Variants in UNK observed in about 807,000 individuals in gnomAD.
The protein encoded by UNK is unk zinc finger.
UNK carries 32 observed loss-of-function variants against 97.6 expected under a neutral mutation model. That is an observed-to-expected ratio of 0.33 (90% CI 0.25 to 0.44). The LOEUF (loss-of-function observed/expected upper bound fraction) is 0.44, where lower values mean the gene tolerates loss of function less well. Among genes scored for constraint, UNK ranks in the 20% least tolerant of loss-of-function variants. UNK has a pLI of 1.00. For missense variants in UNK, 771 were observed against 1,098.4 expected, an observed-to-expected ratio of 0.70 and a Z score of 4.21; for synonymous variants, 441 against 461.2, an observed-to-expected ratio of 0.96 and a Z score of 0.56.
chr17:75,793,616 A>G, intron 1 of UNK: 1 of 985,452 alleles, frequency 1.0e-6, no homozygotes, highest in Non-Finnish European at 1.2e-6. Flanking sequence ...CTGTGACAGT[A>G]TCATCAAGTC....
Position 75,784,834 on chromosome 17 carries a change from G to A in UNK, c.-47G>A, listed in dbSNP as rs576724976. 6.3e-7 allele frequency: 1 copy of A among 1,589,122 alleles called. No individual in the cohort carries two copies. The highest frequency in any genetic ancestry group is 8.6e-7 in the Non-Finnish European group (1 of 1,159,210). ...CTGGGTCCTCGGCGCGGACCGCGCA[G>A]ACTGAATAATAAAAGGGGAGCGGCG... is the stretch of plus-strand genomic sequence containing the variant. On this transcript the variant is annotated 5_prime_UTR_variant, in exon 1 of 16. Transcript: ENST00000589666.
At position 75,816,673 on chromosome 17, in the gene UNK, A is replaced by G; in HGVS notation, c.962-97A>G. The G allele has an allele frequency of 2.1e-6, 3 of 1,418,282 alleles. No homozygotes were observed. Among genetic ancestry groups the G allele is most frequent in the Non-Finnish European group, 1.9e-6 (2 of 1,071,374 alleles). The allele number at this position is 1,418,282 out of a possible 1,614,324, so 87.9% of individuals were successfully genotyped here. A position where few individuals can be genotyped will look rare whatever the true frequency, so the allele number is the denominator to read the frequency against. On this transcript the variant is annotated intron_variant, in intron 7 of 15. Transcript: ENST00000589666. This position sits in a 1 kb window ranked among gnomAD's most constrained non-coding sequence, Gnocchi z 4.0. ...TCGTAGGAACCTTCCCTTTATGTGC[A>G]GGGGGATTTGTGGTCTCCTTTGGAA...
chr17:75,822,863 A>G (rs1215447562), intron 14 of UNK, among the ~76,000 whole-genome samples: 1 of 152,228 alleles, frequency 6.6e-6, no homozygotes, highest in East Asian at 1.9e-4. Context: ...GCAGGCTTCA[A>G]ATTCTCTCTG....
At chr17:75,813,684 T>A in intron 5 of UNK, 77 bp from the exon 6 acceptor site, 1 of 1,260,388 alleles carries the variant, frequency 7.9e-7, no homozygotes, top group African/African-American at 1.5e-5. Flanking sequence ...CCTATGAGGC[T>A]GGGTCCAGGT....
At position 75,810,710 on chromosome 17, in the gene UNK, C is replaced by T. The variant is rs141447975; in HGVS notation, c.314+741C>T. Among the ~76,000 whole-genome samples the T allele has an allele frequency of 4.3e-3, 650 of 152,270 alleles. 6 individuals carry two copies. The highest frequency in any genetic ancestry group is 0.014 in the South Asian group (67 of 4,824). ...GGAGTGCAGGGGTGCGATCTTGGCT[C>T]ACTGCAACCTCCACCTCCTGGGTGC... On this transcript the variant is annotated intron_variant, in intron 2 of 15. Transcript: ENST00000589666.
intron 1 of UNK, chr17:75,793,444 G>A (rs1473721267): frequency 1.0e-6 from 1 of 985,318 alleles, no homozygotes; most frequent in Non-Finnish European, 1.2e-6. Context: ...CTTTGCCAGT[G>A]TGTAGAATTT....
chr17:75,809,764 C>T lies in UNK; in HGVS notation c.109C>T (p.Leu37=). The change falls in exon 2 of 16, where the codon CTG becomes TTG. Residue 37 remains leucine, a synonymous_variant. Coordinates refer to ENST00000589666, the MANE Select transcript of UNK (RefSeq NM_001080419.3). ...CACGCGGGGCTCTCTCTGCAGGTACCTGAAAGAATTCCGCACAGAGCAGTG... is the reference window on the plus strand; with the variant it reads ...CACGCGGGGCTCTCTCTGCAGGTACTTGAAAGAATTCCGCACAGAGCAGTG... ...QPEKPQHYTY[L]KEFRTEQCPL... The T allele has an allele frequency of 6.2e-7, 1 of 1,606,428 alleles. No individual in the cohort carries two copies. Among genetic ancestry groups the T allele is most frequent in the East Asian group, 2.3e-5 (1 of 44,348 alleles).
intron 1 of UNK, among the ~76,000 whole-genome samples, chr17:75,802,091 G>T (rs1161460480): frequency 6.6e-6 from 1 of 151,706 alleles, no homozygotes; most frequent in Admixed American, 6.6e-5. Context: ...TAAGTGATTT[G>T]CCCGCCTTGG....
Position 75,824,123 on chromosome 17 carries a change from C to A in UNK, c.2278-139C>A. 1 of 1,078,142 alleles carries A rather than the reference C, an allele frequency of 9.3e-7. No individual in the cohort carries two copies. Among genetic ancestry groups the A allele is most frequent in the Non-Finnish European group, 1.3e-6 (1 of 796,764 alleles). The allele number at this position is 1,078,142 out of a possible 1,614,324, so 66.8% of individuals were successfully genotyped here. ...CTCAGCCTGCTCTCTCACCTGCCAA[C>A]AGGGGTCTGGGAGCACACTGTTGAG... is the stretch of plus-strand genomic sequence containing the variant. On this transcript the variant is annotated intron_variant, in intron 15 of 15. Coordinates refer to ENST00000589666, the MANE Select transcript of UNK (RefSeq NM_001080419.3). This position sits in a 1 kb window ranked among gnomAD's most constrained non-coding sequence, Gnocchi z 4.9.
chr17:75,806,040 T>C (rs927212218), intron 1 of UNK, among the ~76,000 whole-genome samples: 2 of 150,310 alleles, frequency 1.3e-5, no homozygotes, highest in South Asian at 2.1e-4. Flanking sequence ...GGGGCAGAGA[T>C]TGCAGTGAGC....
chr17:75,796,844 C>T (rs1432015526), intron 1 of UNK, among the ~76,000 whole-genome samples: 1 of 152,194 alleles, frequency 6.6e-6, no homozygotes, highest in Non-Finnish European at 1.5e-5. Flanking sequence ...AATTTTAACC[C>T]ATGGCTCATA....
rs374091960 is a variant in UNK at position 75,815,160 on chromosome 17, G to A, written c.877-9G>A. The A allele has an allele frequency of 6.2e-7, 1 of 1,611,816 alleles. No individual in the cohort carries two copies. Among genetic ancestry groups the A allele is most frequent in the South Asian group, 1.1e-5 (1 of 90,988 alleles). ...CCTGAGCCTGACTTGCCTGTGCTCT[G>A]CCCTCCAGATCTACAAGTCCACCAA... On this transcript the variant is annotated splice_polypyrimidine_tract_variant and intron_variant, in intron 6 of 15. Transcript: ENST00000589666.
chr17:75,797,532 G>C (rs963721442), intron 1 of UNK, among the ~76,000 whole-genome samples: 6 of 152,232 alleles, frequency 3.9e-5, no homozygotes, highest in African/African-American at 1.4e-4. Flanking sequence ...ACCACACCTG[G>C]CCTATACTTG....
At chr17:75,820,211 G>A in intron 13 of UNK, 103 bp downstream of exon 13, 1 of 1,294,256 alleles carries the variant, frequency 7.7e-7, no homozygotes, top group Non-Finnish European at 1.1e-6. Context: ...TAGGCTGGGG[G>A]TTAGGGCAGA....
Position 75,788,772 on chromosome 17 carries a change from G to A in UNK, c.104+3788G>A, listed in dbSNP as rs1054935019. Among the ~76,000 whole-genome samples the A allele has an allele frequency of 2.6e-5, 4 of 152,070 alleles. No individual in the cohort carries two copies. The South Asian group carries it at 8.3e-4, about 32-fold the overall frequency. On this transcript the variant is annotated intron_variant, in intron 1 of 15. Transcript: ENST00000589666. ...GGCTGGTGTACAGTGGCATGGGAAG[G>A]CGTGAGCCTGAGAAGGTGTGAGCCA... is the stretch of plus-strand genomic sequence containing the variant.
rs1336626694 is a variant in UNK, at chr17:75,816,223, C to T, written c.962-547C>T. 1.3e-5 allele frequency among the ~76,000 whole-genome samples: 2 copies of T among 152,174 alleles called. No individual in the cohort carries two copies. Among genetic ancestry groups the T allele is most frequent in the Non-Finnish European group, 2.9e-5 (2 of 68,028 alleles). ...TCAGAGACAGAGCTCCAGTTTGTAC[C>T]TGTTAACACCTCTTTCCACCCCAAG... is the stretch of plus-strand genomic sequence containing the variant. On this transcript the variant is annotated intron_variant, in intron 7 of 15. Coordinates refer to ENST00000589666, the MANE Select transcript of UNK (RefSeq NM_001080419.3). The surrounding 1 kb of genome is among the most constrained non-coding windows in gnomAD (Gnocchi z 4.0).
At position 75,817,305 on chromosome 17, in the gene UNK, C is replaced by T; in HGVS notation, c.1105-21C>T. ...CCTGCGCTGTGCCCACGGGCCCACT[C>T]CCTCCCCTCCTTCTCCGCAGCTCCT... On this transcript the variant is annotated intron_variant, in intron 8 of 15. Coordinates refer to ENST00000589666, the MANE Select transcript of UNK (RefSeq NM_001080419.3). The surrounding 1 kb of genome is among the most constrained non-coding windows in gnomAD (Gnocchi z 5.8). 7 of 1,548,220 alleles carry T rather than the reference C, an allele frequency of 4.5e-6. No individual in the cohort carries two copies. The highest frequency in any genetic ancestry group is 6.1e-6 in the Non-Finnish European group (7 of 1,144,928).
chr17:75,790,022 A>T (rs1358563328), intron 1 of UNK, among the ~76,000 whole-genome samples: 5 of 152,186 alleles, frequency 3.3e-5, no homozygotes, highest in Non-Finnish European at 7.4e-5. Context: ...GGGCGCCTGT[A>T]ATCCCAGCTA....
Position 75,818,901 on chromosome 17 carries a change from C to T in UNK, c.1546+85C>T. ...GTCTCTGAAGCGAGTCTCAAATCAG[C>T]ACACCAGACCCCTTAGACATCTGTC... On this transcript the variant is annotated intron_variant, in intron 11 of 15. Coordinates refer to ENST00000589666, the MANE Select transcript of UNK (RefSeq NM_001080419.3). The surrounding 1 kb of genome is among the most constrained non-coding windows in gnomAD (Gnocchi z 5.1). 2.2e-6 allele frequency: 3 copies of T among 1,388,370 alleles called. No individual in the cohort carries two copies. The highest frequency in any genetic ancestry group is 2.9e-6 in the Non-Finnish European group (3 of 1,048,264). 86.0% of individuals were successfully genotyped at this position (1,388,370 alleles called of 1,614,324 possible). A position where few individuals can be genotyped will look rare whatever the true frequency, so the allele number is the denominator to read the frequency against.
Sources: allele counts gnomAD v4.1 joint callset (sites outside exome capture counted in the v4.1 genomes callset), GRCh38; gene constraint gnomAD v4.1.1; non-coding constraint Gnocchi (gnomAD v3.1); transcripts MANE v1.5; gene names NCBI Gene and HGNC (gene_info 2026-07-23, HGNC 2026-07-21).